MAGEE2: variants seen among roughly 807,000 people sequenced by gnomAD.
MAGEE2 encodes MAGE family member E2, also known as melanoma-associated antigen E2.
For synonymous variants in MAGEE2, 189 were observed against 155.4 expected (o/e 1.22, Z -1.61); for missense variants, 508 against 391.1 (o/e 1.30, Z -2.52).
rs771241138 is a variant in MAGEE2 at position 75,783,787 on chromosome X, T to C, written c.1265A>G (p.Asn422Ser). The change falls in exon 1 of 1, where the codon AAT becomes AGT. Residue 422 changes from asparagine (N) to serine (S), a missense_variant. Asn to Ser is a conservative substitution (Grantham distance 46, BLOSUM62 1). Transcript: ENST00000373359. ...FLMGNRVKEA[N>S]VWNLLRRFSV... ...AAATCTTCGAAGCAAGTTCCAGACATTGGCCTCTTTGACACGGTTGCCCAT... is the reference window on the plus strand; with the variant it reads ...AAATCTTCGAAGCAAGTTCCAGACACTGGCCTCTTTGACACGGTTGCCCAT... 3 of 1,209,905 alleles carry C rather than the reference T, an allele frequency of 2.5e-6. No individual in the cohort carries two copies. The highest frequency in any genetic ancestry group is 1.7e-5 in the African/African-American group (1 of 57,157).
rs2087862850 is a variant in MAGEE2, at chrX:75,783,643, C to T, written c.1409G>A (p.Arg470Gln). The T allele has an allele frequency of 2.5e-6, 3 of 1,211,434 alleles. No homozygotes were observed. The highest frequency in any genetic ancestry group is 5.9e-5 in the East Asian group (2 of 33,834). Residue 470 changes from arginine to glutamine, a missense_variant, in exon 1 of 1, where the codon CGA becomes CAA. Transcript: ENST00000373359. ...PVEYELLWGP[R>Q]AHHETIKMKV... ...CATTTTGATGGTTTCATGGTGAGCT[C>T]GAGGACCCCATAGAAGCTCATATTC...
rs1175875471 is a variant in MAGEE2 at position 75,784,910 on chromosome X, G to A, written c.142C>T (p.Gln48Ter). The change falls in exon 1 of 1, where the codon CAG becomes TAG. Residue 48 changes from glutamine to a stop codon, truncating the protein, a stop_gained. Coordinates refer to ENST00000373359, the MANE Select transcript of MAGEE2 (RefSeq NM_138703.5). LOFTEE classifies it low-confidence loss of function (END_TRUNC). ...ACACACTGAGAGTTGATTGGCGCCT[G>A]AGGGCACTGGGGGGCATCAACGACT... is the stretch of plus-strand genomic sequence containing the variant. The part of the protein sequence containing the change: ...MLVVDAPQCP[Q>*]APINSQCVNT... The A allele has an allele frequency of 1.7e-6, 2 of 1,182,030 alleles. No individual in the cohort carries two copies. The highest frequency in any genetic ancestry group is 6.0e-5 in the East Asian group (2 of 33,493).
In MAGEE2 at chrX:75,784,131, C is replaced by T. The variant is rs140227376; in HGVS notation, c.921G>A (p.Ser307=). ...TTGCCTTATCATTCATAGTGTCCTC[C>T]GACCAGAACTCTAAGCCAGCAGTCA... ...RSLTAGLEFW[S]EDTMNDKAND... is the part of the protein sequence containing the mutation. Residue 307 remains serine (S), a synonymous_variant, in exon 1 of 1, where the codon TCG becomes TCA. Transcript: ENST00000373359. 46 of 1,210,004 alleles carry T rather than the reference C, an allele frequency of 3.8e-5. No homozygotes were observed. The highest frequency in any genetic ancestry group is 1.2e-4 in the African/African-American group (7 of 57,177).
rs772386710 is a variant in MAGEE2, at chrX:75,784,921, G to A, written c.131C>T (p.Pro44Leu). The A allele has an allele frequency of 2.4e-5, 28 of 1,168,682 alleles. No homozygotes were observed. Among genetic ancestry groups the A allele is most frequent in the Middle Eastern group, 2.4e-4 (1 of 4,151 alleles). The change falls in exon 1 of 1, where the codon CCC becomes CTC. Residue 44 changes from proline (P) to leucine (L), a missense_variant. Coordinates refer to ENST00000373359, the MANE Select transcript of MAGEE2 (RefSeq NM_138703.5). ...GTTGATTGGCGCCTGAGGGCACTGG[G>A]GGGCATCAACGACTAGCATGGAGGT... ...SPTSMLVVDA[P>L]QCPQAPINSQ...
At position 75,784,869 on chromosome X, in the gene MAGEE2, G is replaced by T. The variant is rs764738176; in HGVS notation, c.183C>A (p.Ala61=). 2.5e-6 allele frequency: 3 copies of T among 1,202,928 alleles called. No individual in the cohort carries two copies. In the South Asian group the frequency reaches 5.4e-5, roughly 22 times the overall value. Residue 61 remains alanine (A), a synonymous_variant, in exon 1 of 1, where the codon GCC becomes GCA. Coordinates refer to ENST00000373359, the MANE Select transcript of MAGEE2 (RefSeq NM_138703.5). ...INSQCVNTSQ[A]VQDPNDLEVL... ...CCTCCAGGTCATTCGGGTCCTGAAC[G>T]GCCTGGGAAGTGTTGACACACTGAG...
Position 75,783,654 on chromosome X carries a change from T to A in MAGEE2, c.1398A>T (p.Leu466=). The part of the protein sequence containing the change: ...SYSNPVEYEL[L]WGPRAHHETI... ...TTTCATGGTGAGCTCGAGGACCCCATAGAAGCTCATATTCAACTGGATTAG... is the reference window on the plus strand; with the variant it reads ...TTTCATGGTGAGCTCGAGGACCCCAAAGAAGCTCATATTCAACTGGATTAG... Residue 466 remains leucine, a synonymous_variant, in exon 1 of 1, where the codon CTA becomes CTT. Coordinates refer to ENST00000373359, the MANE Select transcript of MAGEE2 (RefSeq NM_138703.5). 8.3e-7 allele frequency: 1 copy of A among 1,211,455 alleles called. No individual in the cohort carries two copies. Among genetic ancestry groups the A allele is most frequent in the Non-Finnish European group, 1.1e-6 (1 of 895,445 alleles).
Position 75,783,829 on chromosome X carries a change from A to G in MAGEE2, c.1223T>C (p.Leu408Pro). 2 of 1,211,810 alleles carry G rather than the reference A, an allele frequency of 1.7e-6. No individual in the cohort carries two copies. The highest frequency in any genetic ancestry group is 1.1e-6 in the Non-Finnish European group (1 of 895,526). ...GTTGCCCATCAGGAAGATCAAACCT[A>G]GGATTGGCATTACATATTCTTGAGT... Reference protein sequence around the residue: ...RPTQEYVMPILGLIFLMGNRV... With the variant: ...RPTQEYVMPIPGLIFLMGNRV... The change falls in exon 1 of 1, where the codon CTA becomes CCA. Residue 408 changes from leucine (L) to proline (P), a missense_variant. Transcript: ENST00000373359.
rs774894886 is a variant in MAGEE2 at position 75,784,850 on chromosome X, G to T, written c.202C>A (p.Leu68Met). Reference sequence around the variant, plus strand: ...GACTGCTCGTCGATCAGGACCTCCAGGTCATTCGGGTCCTGAACGGCCTGG... The same window carrying T: ...GACTGCTCGTCGATCAGGACCTCCATGTCATTCGGGTCCTGAACGGCCTGG... ...TSQAVQDPND[L>M]EVLIDEQSRR... The change falls in exon 1 of 1, where the codon CTG becomes ATG. Residue 68 changes from leucine to methionine, a missense_variant. Coordinates refer to ENST00000373359, the MANE Select transcript of MAGEE2 (RefSeq NM_138703.5). The T allele has an allele frequency of 3.3e-6, 4 of 1,207,742 alleles. No homozygotes were observed. Among genetic ancestry groups the T allele is most frequent in the African/African-American group, 1.8e-5 (1 of 57,104 alleles).
rs766615255 is a variant in MAGEE2, at chrX:75,784,462, G to A, written c.590C>T (p.Ala197Val). ...ILLNGNRARE[A>V]SIWDLLLKVD... ...TTTTAGCAGCAAGTCCCAAATGGAG[G>A]CCTCTCTTGCTCGGTTCCCATTCAA... The change falls in exon 1 of 1, where the codon GCC (alanine) becomes GTC (valine). Residue 197 changes from alanine (A) to valine (V), a missense_variant. Physicochemically the swap from Ala to Val is moderately conservative, Grantham distance 64. Transcript: ENST00000373359. 8.3e-7 allele frequency: 1 copy of A among 1,211,969 alleles called. No individual in the cohort carries two copies.
chrX:75,785,188 A>T lies in MAGEE2; in HGVS notation c.-137T>A. ...AGGATCAAAAGTGAAATCTGGTGTG[A>T]AGAGCGATCTTTCTACACAAGTGCT... On this transcript the variant is annotated 5_prime_UTR_variant, in exon 1 of 1. Transcript: ENST00000373359. The T allele has an allele frequency of 1.5e-6, 1 of 688,080 alleles. No individual in the cohort carries two copies. Among genetic ancestry groups the T allele is most frequent in the Non-Finnish European group, 2.0e-6 (1 of 501,385 alleles). 56.7% of individuals were successfully genotyped at this position (688,080 alleles called of 1,213,427 possible).
Position 75,784,286 on chromosome X carries a change from T to C in MAGEE2, c.766A>G (p.Arg256Gly), listed in dbSNP as rs2087870808. Residue 256 changes from arginine (R) to glycine (G), a missense_variant, in exon 1 of 1, where the codon AGA (arginine) becomes GGA (glycine). Transcript: ENST00000373359. ...PLEFEFLWGS[R>G]AHREITKMEA... ...ATCTTTGTGATTTCCCTGTGGGCTC[T>C]AGAGCCCCACAAGAACTCAAACTCA... 1 of 1,211,759 alleles carries C rather than the reference T, an allele frequency of 8.3e-7. No individual in the cohort carries two copies. The highest frequency in any genetic ancestry group is 1.1e-6 in the Non-Finnish European group (1 of 895,536).
chrX:75,784,014 C>T lies in MAGEE2; in HGVS notation c.1038G>A (p.Glu346=), dbSNP rs1343018715. The change falls in exon 1 of 1, where the codon GAG becomes GAA. Residue 346 remains glutamate, a synonymous_variant. Coordinates refer to ENST00000373359, the MANE Select transcript of MAGEE2 (RefSeq NM_138703.5). ...TATTGAGGATATTTGGGAACACATC[C>T]TCAAATTCTTTGCCAGTGTGAGCCA... ...ELLAHTGKEF[E]DVFPNILNRA... is the part of the protein sequence containing the mutation. 4.1e-6 allele frequency: 5 copies of T among 1,207,712 alleles called. No homozygotes were observed. The highest frequency in any genetic ancestry group is 1.8e-5 in the South Asian group (1 of 56,797).
rs1354245105 is a variant in MAGEE2 at position 75,785,227 on chromosome X, T to G, written c.-176A>C. Reference sequence around the variant, plus strand: ...TACACAAGTGCTGGCCAGCAACGACTGCAAGCCTCAGAGCGTTATTTTGCC... The same window carrying G: ...TACACAAGTGCTGGCCAGCAACGACGGCAAGCCTCAGAGCGTTATTTTGCC... On this transcript the variant is annotated 5_prime_UTR_variant, in exon 1 of 1. Coordinates refer to ENST00000373359, the MANE Select transcript of MAGEE2 (RefSeq NM_138703.5). 1.3e-5 allele frequency: 6 copies of G among 469,913 alleles called. No homozygotes were observed. The South Asian group carries it at 6.6e-4, about 52-fold the overall frequency. The allele number at this position is 469,913 out of a possible 1,213,427, so 38.7% of individuals were successfully genotyped here. A position where few individuals can be genotyped will look rare whatever the true frequency, so the allele number is the denominator to read the frequency against.
At position 75,784,658 on chromosome X, in the gene MAGEE2, C is replaced by A. The variant is rs1390242563; in HGVS notation, c.394G>T (p.Ala132Ser). The A allele has an allele frequency of 4.1e-6, 5 of 1,209,461 alleles. No individual in the cohort carries two copies. The highest frequency in any genetic ancestry group is 5.6e-6 in the Non-Finnish European group (5 of 895,009). ...SDQFPEILRR[A>S]SAHLDQVFGL... ...AAGACCTGGTCCAGGTGAGCTGAGG[C>A]TCGTCTGAGGATCTCAGGGAACTGA... The change falls in exon 1 of 1, where the codon GCC becomes TCC. Residue 132 changes from alanine (A) to serine (S), a missense_variant. Coordinates refer to ENST00000373359, the MANE Select transcript of MAGEE2 (RefSeq NM_138703.5).
rs528403385 is a variant in MAGEE2 at position 75,783,426 on chromosome X, C to A, written c.*54G>T. 8.8e-7 allele frequency: 1 copy of A among 1,134,585 alleles called. No homozygotes were observed. The highest frequency in any genetic ancestry group is 3.0e-5 in the East Asian group (1 of 33,081). 93.5% of individuals were successfully genotyped at this position (1,134,585 alleles called of 1,213,427 possible). ...TTTAGAGCCCCAATGCCTATTTTAC[C>A]AAGGCATCTTTAACTTATGCCACTC... is the stretch of plus-strand genomic sequence containing the variant. On this transcript the variant is annotated 3_prime_UTR_variant, in exon 1 of 1. Transcript: ENST00000373359.
At position 75,783,172 on chromosome X, in the gene MAGEE2, C is replaced by T; in HGVS notation, c.*308G>A. On this transcript the variant is annotated 3_prime_UTR_variant, in exon 1 of 1. Coordinates refer to ENST00000373359, the MANE Select transcript of MAGEE2 (RefSeq NM_138703.5). Reference sequence around the variant, plus strand: ...TTGTTATTTAACTCCTGTACCAGACCATTTTACTGATTATTTCAAAGATGT... The same window carrying T: ...TTGTTATTTAACTCCTGTACCAGACTATTTTACTGATTATTTCAAAGATGT... The T allele has an allele frequency of 3.8e-6, 1 of 264,670 alleles. No individual in the cohort carries two copies. The highest frequency in any genetic ancestry group is 6.7e-6 in the Non-Finnish European group (1 of 150,171). 21.8% of individuals were successfully genotyped at this position (264,670 alleles called of 1,213,427 possible).
Position 75,784,387 on chromosome X carries a change from G to T in MAGEE2, c.665C>A (p.Thr222Lys). 2.5e-6 allele frequency: 3 copies of T among 1,211,747 alleles called. No homozygotes were observed. The highest frequency in any genetic ancestry group is 3.3e-6 in the Non-Finnish European group (3 of 895,541). The change falls in exon 1 of 1, where the codon ACA becomes AAA. Residue 222 changes from threonine (T) to lysine (K), a missense_variant. Physicochemically the swap from Thr to Lys is moderately conservative, Grantham distance 78. Transcript: ENST00000373359. ...PQRINNLFGNTRNLLTTDFVC... is the reference protein window; with the variant it reads ...PQRINNLFGNKRNLLTTDFVC... ...AAAGTCAGTAGTGAGGAGGTTCCTT[G>T]TGTTCCCAAAGAGGTTGTTGATCCT...
In MAGEE2 at chrX:75,783,836, G is replaced by A. The variant is rs1283057883; in HGVS notation, c.1216C>T (p.Pro406Ser). The change falls in exon 1 of 1, where the codon CCA becomes TCA. Residue 406 changes from proline to serine, a missense_variant. Transcript: ENST00000373359. Reference sequence around the variant, plus strand: ...ATCAGGAAGATCAAACCTAGGATTGGCATTACATATTCTTGAGTGGGTCTC... The same window carrying A: ...ATCAGGAAGATCAAACCTAGGATTGACATTACATATTCTTGAGTGGGTCTC... ...LGRPTQEYVM[P>S]ILGLIFLMGN... The A allele has an allele frequency of 3.3e-6, 4 of 1,211,728 alleles. No individual in the cohort carries two copies. Among genetic ancestry groups the A allele is most frequent in the Non-Finnish European group, 4.5e-6 (4 of 895,487 alleles).
chrX:75,783,355 G>T lies in MAGEE2; in HGVS notation c.*125C>A. 1.3e-6 allele frequency: 1 copy of T among 782,021 alleles called. No homozygotes were observed. The highest frequency in any genetic ancestry group is 1.8e-6 in the Non-Finnish European group (1 of 562,041). The allele number at this position is 782,021 out of a possible 1,213,427, so 64.4% of individuals were successfully genotyped here. A position where few individuals can be genotyped will look rare whatever the true frequency, so the allele number is the denominator to read the frequency against. On this transcript the variant is annotated 3_prime_UTR_variant, in exon 1 of 1. Coordinates refer to ENST00000373359, the MANE Select transcript of MAGEE2 (RefSeq NM_138703.5). ...TACTACTAGAATTGGAACACAGACA[G>T]CAAGCACAATTTGTACTTCCCACAC...
Sources: allele counts gnomAD v4.1 joint callset, GRCh38; gene constraint gnomAD v4.1.1; transcripts MANE v1.5; gene names NCBI Gene and HGNC (gene_info 2026-07-23, HGNC 2026-07-21).